MACROD2: variants seen among roughly 807,000 people sequenced by gnomAD.
The protein encoded by MACROD2 is mono-ADP ribosylhydrolase 2, also known as ADP-ribose glycohydrolase MACROD2.
Under a neutral mutation model 70.4 loss-of-function variants are expected in MACROD2, and 36 were observed. That is an observed-to-expected ratio of 0.51 (90% CI 0.39 to 0.68). The LOEUF (loss-of-function observed/expected upper bound fraction) is 0.68. MACROD2 is among the 30% of genes least tolerant of loss of function. The probability of loss-of-function intolerance (pLI) is 0.00; values close to 1 mark genes in which losing one functional copy is unlikely to be tolerated. For missense variants in MACROD2, 496 were observed against 538.4 expected (o/e 0.92, Z 0.78); for synonymous variants, 172 against 178.8 (o/e 0.96, Z 0.30).
chr20:15,523,528 G>A (rs1223853052), intron 8 of MACROD2, among the ~76,000 whole-genome samples: 9 of 152,144 alleles, frequency 5.9e-5, no homozygotes, highest in African/African-American at 1.7e-4. Flanking sequence ...CTGTGCACCA[G>A]TAGGGAAAGA....
chr20:15,633,821 A>G (rs1363169517), intron 8 of MACROD2, among the ~76,000 whole-genome samples: 1 of 152,180 alleles, frequency 6.6e-6, no homozygotes, highest in Non-Finnish European at 1.5e-5. Context: ...CTACATACAC[A>G]TGTTTTAGGA....
intron 3 of MACROD2, among the ~76,000 whole-genome samples, chr20:14,308,993 C>A (rs2082543368): frequency 6.6e-6 from 1 of 152,112 alleles, no homozygotes; most frequent in Admixed American, 6.6e-5. Context: ...TGCCACCCTT[C>A]ACTGGGTTTC....
chr20:15,394,308 A>G (rs558017389), intron 6 of MACROD2, among the ~76,000 whole-genome samples: 1 of 152,332 alleles, frequency 6.6e-6, no homozygotes, highest in Admixed American at 6.5e-5. Flanking sequence ...GGGTCTTTTC[A>G]TATCAACTTG....
chr20:14,073,541 A>T (rs370373222), intron 2 of MACROD2, among the ~76,000 whole-genome samples: 18 of 152,306 alleles, frequency 1.2e-4, no homozygotes, highest in African/African-American at 4.3e-4. Context: ...AGGGAATATA[A>T]TTCATGTGCA....
At chr20:15,375,561 T>A (rs1216259194) in intron 6 of MACROD2, among the ~76,000 whole-genome samples, 4 of 152,166 alleles carry the variant, frequency 2.6e-5, no homozygotes, top group Non-Finnish European at 5.9e-5. Context: ...GTTATTAAAA[T>A]GACTATTAAA....
intron 7 of MACROD2, among the ~76,000 whole-genome samples, chr20:15,489,916 C>T (rs1028212686): frequency 6.6e-6 from 1 of 152,094 alleles, no homozygotes; most frequent in African/African-American, 2.4e-5. Context: ...ATATTATATA[C>T]ATTTTGAAGG....
intron 6 of MACROD2, among the ~76,000 whole-genome samples, chr20:15,288,226 C>T (rs987000854): frequency 1.3e-5 from 2 of 152,176 alleles, no homozygotes; most frequent in African/African-American, 2.4e-5. Context: ...AAGAACAAAT[C>T]GCCCCAACAG....
intron 6 of MACROD2, among the ~76,000 whole-genome samples, chr20:15,345,907 C>T (rs901081821): frequency 6.6e-6 from 1 of 152,050 alleles, no homozygotes; most frequent in Non-Finnish European, 1.5e-5. Flanking sequence ...AGTAGGAGCA[C>T]TTGCTTATAA....
intron 3 of MACROD2, among the ~76,000 whole-genome samples, chr20:14,339,011 TTTGTCC>T (rs1415368529): frequency 6.6e-6 from 1 of 152,330 alleles, no homozygotes; most frequent in East Asian, 1.9e-4. Flanking sequence ...GACCTTCTCC[TTTGTCC>T]TTTCTCAATT....
At chr20:15,368,226 C>T (rs1164442630) in intron 6 of MACROD2, among the ~76,000 whole-genome samples, 1 of 151,876 alleles carries the variant, frequency 6.6e-6, no homozygotes, top group Non-Finnish European at 1.5e-5. Context: ...CTCAGGCCCA[C>T]CCCCGCCTAC....
At chr20:14,993,919 G>A (rs2122877570) in intron 5 of MACROD2, among the ~76,000 whole-genome samples, 1 of 152,012 alleles carries the variant, frequency 6.6e-6, no homozygotes, top group South Asian at 2.1e-4. Context: ...TTTAAAGTTG[G>A]TTTGCAATGT....
intron 2 of MACROD2, among the ~76,000 whole-genome samples, chr20:14,016,339 G>A (rs74988513): frequency 6.6e-6 from 1 of 152,094 alleles, no homozygotes. Context: ...TTATTTGCAG[G>A]TGTTTTCTCA....
At chr20:15,606,540 TGG>T (rs1324395239) in intron 8 of MACROD2, among the ~76,000 whole-genome samples, 2 of 152,184 alleles carry the variant, frequency 1.3e-5, no homozygotes, top group Non-Finnish European at 2.9e-5. Flanking sequence ...TTAAATCGTA[TGG>T]TATTTGTGTC....
intron 6 of MACROD2, among the ~76,000 whole-genome samples, chr20:15,282,202 C>A (rs2077451766): frequency 6.6e-6 from 1 of 152,202 alleles, no homozygotes; most frequent in African/African-American, 2.4e-5. Context: ...ATGGGAGGGG[C>A]TGCTGTGACA....
At chr20:14,822,205 C>T (rs1276766054) in intron 5 of MACROD2, among the ~76,000 whole-genome samples, 1 of 151,974 alleles carries the variant, frequency 6.6e-6, no homozygotes, top group Non-Finnish European at 1.5e-5. Context: ...ATCACTTATC[C>T]TTCAATGATT....
intron 2 of MACROD2, among the ~76,000 whole-genome samples, chr20:14,005,011 A>T (rs2052794047): frequency 6.6e-6 from 1 of 152,058 alleles, no homozygotes; most frequent in South Asian, 2.1e-4. Context: ...GTTCAGATTT[A>T]TTTTACTTTA....
intron 5 of MACROD2, among the ~76,000 whole-genome samples, chr20:15,119,653 A>G (rs2076016751): frequency 6.6e-6 from 1 of 152,222 alleles, no homozygotes; most frequent in African/African-American, 2.4e-5. Context: ...ACCCATTGTG[A>G]CCACACATAT....
intron 15 of MACROD2, among the ~76,000 whole-genome samples, chr20:16,023,277 T>C (rs775097): frequency 0.51 from 76,608 of 151,430 alleles, 19,679 homozygotes; most frequent in East Asian, 0.72. Context: ...AGATCGAGAC[T>C]GTCCTGGCTA....
At chr20:15,166,144 G>A (rs887381597) in intron 5 of MACROD2, among the ~76,000 whole-genome samples, 6 of 152,148 alleles carry the variant, frequency 3.9e-5, no homozygotes, top group African/African-American at 1.4e-4. Flanking sequence ...GTGATAAAAT[G>A]TTCTAAAACC....
Sources: allele counts gnomAD v4.1 joint callset (sites outside exome capture counted in the v4.1 genomes callset), GRCh38; gene constraint gnomAD v4.1.1; transcripts MANE v1.5; gene names NCBI Gene and HGNC (gene_info 2026-07-23, HGNC 2026-07-21).